The following CABYR variants were observed in gnomAD, a reference collection of about 807,000 sequenced individuals.
CABYR encodes calcium binding tyrosine phosphorylation regulated.
In CABYR, 31 loss-of-function variants were observed where a neutral mutation model predicts 36.1. That is an observed-to-expected ratio of 0.86 (90% CI 0.64 to 1.16). The LOEUF is 1.16. Ranked by LOEUF, CABYR falls within the 50% of genes most tolerant of loss-of-function variation. The pLI is 0.00. For synonymous variants in CABYR, 146 were observed against 160.7 expected, an observed-to-expected ratio of 0.91 and a Z score of 0.69; for missense variants, 429 against 455.8, an observed-to-expected ratio of 0.94 and a Z score of 0.53.
At chr18:24,149,170 A>C (rs569803474) in intron 3 of CABYR, among the ~76,000 whole-genome samples, 1 of 152,098 alleles carries the variant, frequency 6.6e-6, no homozygotes, top group African/African-American at 2.4e-5. Flanking sequence ...CAGAGTGTCG[A>C]TTGGTGCATT....
At chr18:24,156,200 G>C (rs763425079) in intron 4 of CABYR, 158 bp downstream of exon 4, 18 of 1,614,158 alleles carry the variant, frequency 1.1e-5, no homozygotes, top group Non-Finnish European at 1.5e-5. Context: ...TGCTAGAAGT[G>C]CAGGTTGTGA....
intron 5 of CABYR, among the ~76,000 whole-genome samples, 192 bp from the exon 6 acceptor site, chr18:24,161,324 G>A (rs1567907159): frequency 2.0e-5 from 3 of 152,150 alleles, no homozygotes; most frequent in Admixed American, 2.0e-4. Context: ...TGGACTTCTG[G>A]TGGAATTGCC....
intron 3 of CABYR, among the ~76,000 whole-genome samples, chr18:24,146,044 AG>A (rs2085450993): frequency 6.6e-6 from 1 of 152,238 alleles, no homozygotes; most frequent in Admixed American, 6.5e-5. Context: ...TCCAGCATAC[AG>A]TTAAAAACTA....
In CABYR at chr18:24,155,816, A is replaced by G. The variant is rs1180706752; in HGVS notation, c.315A>G (p.Thr105=). ...VPTQMEKSTD[T]DEDNVTRTEY... ...CCCAGATGGAAAAATCTACAGACAC[A>G]GACGAGGACAATGTAACCAGAACAG... Residue 105 remains threonine (T), a synonymous_variant, in exon 4 of 6, where the codon ACA becomes ACG. Coordinates refer to ENST00000399496, the MANE Select transcript of CABYR (RefSeq NM_153769.3). 2 of 1,614,214 alleles carry G rather than the reference A, an allele frequency of 1.2e-6. No individual in the cohort carries two copies. Among genetic ancestry groups the G allele is most frequent in the Non-Finnish European group, 1.7e-6 (2 of 1,180,016 alleles).
intron 3 of CABYR, among the ~76,000 whole-genome samples, chr18:24,146,728 G>A (rs2085467934): frequency 6.6e-6 from 1 of 152,130 alleles, no homozygotes; most frequent in South Asian, 2.1e-4. Context: ...CTAAACTGCT[G>A]AAAAAGACAA....
intron 4 of CABYR, among the ~76,000 whole-genome samples, chr18:24,158,515 T>A (rs1392345297): frequency 6.6e-6 from 1 of 151,980 alleles, no homozygotes; most frequent in East Asian, 1.9e-4. Context: ...ATGGAGTTTC[T>A]CCATGTTGGT....
chr18:24,161,166 A>T (rs924841104), intron 5 of CABYR, among the ~76,000 whole-genome samples: 5 of 152,114 alleles, frequency 3.3e-5, no homozygotes, highest in African/African-American at 1.2e-4. Context: ...GTTACTTAAA[A>T]TAATTAGTGG....
At position 24,155,710 on chromosome 18, in the gene CABYR, G is replaced by A; in HGVS notation, c.209G>A (p.Trp70Ter). ...KQFHQIKVEK[W>*]SEGTTPQKKL... ...GGTTGTTGTTTTTCAGTAGAGAAAT[G>A]GTCAGAAGGAACGACACCACAGAAG... Residue 70 changes from tryptophan to a stop codon, truncating the protein, a stop_gained, in exon 4 of 6, where the codon TGG (tryptophan) becomes TAG (stop). Transcript: ENST00000399496. LOFTEE classifies it high-confidence loss of function. 1 of 1,591,524 alleles carries A rather than the reference G, an allele frequency of 6.3e-7. No homozygotes were observed. Among genetic ancestry groups the A allele is most frequent in the Non-Finnish European group, 8.5e-7 (1 of 1,170,816 alleles).
intron 5 of CABYR, chr18:24,160,896 CG>C (rs2085954128): frequency 6.6e-6 from 1 of 152,248 alleles, no homozygotes; most frequent in African/African-American, 2.4e-5. Flanking sequence ...GAAAAGAACA[CG>C]GGGGTTCCAG....
intron 4 of CABYR, among the ~76,000 whole-genome samples, chr18:24,158,745 G>A (rs113853181): frequency 1.2e-4 from 18 of 152,260 alleles, no homozygotes; most frequent in African/African-American, 4.1e-4. Context: ...TTTTGTCCGA[G>A]GGCCCATCTT....
At chr18:24,160,194 T>G in intron 5 of CABYR, 125 bp downstream of exon 5, 4 of 712,422 alleles carry the variant, frequency 5.6e-6, no homozygotes, top group Non-Finnish European at 9.4e-6. Context: ...GGGTATACTC[T>G]AACTTCCTGG....
chr18:24,149,579 T>G (rs1458968867), intron 3 of CABYR, among the ~76,000 whole-genome samples: 2 of 152,194 alleles, frequency 1.3e-5, no homozygotes, highest in African/African-American at 2.4e-5. Context: ...GGGTGGTCGA[T>G]GGGACTGGGT....
Position 24,161,597 on chromosome 18 carries a change from C to T in CABYR, c.*81C>T, listed in dbSNP as rs573363787. ...AATGTATCAATAAACTTCATGCAAG[C>T]ATACAATTTTGTATTGCTTTTTTTT... On this transcript the variant is annotated 3_prime_UTR_variant, in exon 6 of 6. Coordinates refer to ENST00000399496, the MANE Select transcript of CABYR (RefSeq NM_153769.3). 1 of 766,982 alleles carries T rather than the reference C, an allele frequency of 1.3e-6. No homozygotes were observed. Among genetic ancestry groups the T allele is most frequent in the African/African-American group, 1.7e-5 (1 of 58,948 alleles). 47.5% of individuals were successfully genotyped at this position (766,982 alleles called of 1,614,324 possible).
At chr18:24,142,460 T>C (rs1480241505) in intron 1 of CABYR, among the ~76,000 whole-genome samples, 1 of 152,202 alleles carries the variant, frequency 6.6e-6, no homozygotes, top group East Asian at 1.9e-4. Flanking sequence ...AGGACTTGTT[T>C]AGAAACAGAT....
intron 1 of CABYR, among the ~76,000 whole-genome samples, chr18:24,141,084 G>A (rs1211050873): frequency 6.6e-6 from 1 of 152,050 alleles, no homozygotes. Flanking sequence ...GATCACTTCT[G>A]GTTTTTTAAA....
intron 4 of CABYR, among the ~76,000 whole-genome samples, chr18:24,159,231 C>T (rs1199076988): frequency 6.6e-6 from 1 of 152,190 alleles, no homozygotes; most frequent in Admixed American, 6.5e-5. Context: ...AATAAGATTG[C>T]TTCTTCAGCC....
chr18:24,150,400 T>C (rs1172591412), intron 3 of CABYR: 2 of 165,986 alleles, frequency 1.2e-5, no homozygotes, highest in Non-Finnish European at 2.5e-5. Context: ...TTCTAAAGCT[T>C]AACCAAAATT....
In CABYR at chr18:24,143,386, C is replaced by G; in HGVS notation, c.172C>G (p.Leu58Val). Residue 58 changes from leucine to valine, a missense_variant, in exon 3 of 6, where the codon CTG becomes GTG. Leu to Val is a conservative substitution (Grantham distance 32, BLOSUM62 1). Transcript: ENST00000399496. The stretch of plus-strand genomic sequence containing the variant: ...GAATACTACTATGGATATAAAAGAT[C>G]TGGTTAAACAATTTCATCAGATTAA... ...RGNTTMDIKD[L>V]VKQFHQIKVE... 1 of 1,573,646 alleles carries G rather than the reference C, an allele frequency of 6.4e-7. No individual in the cohort carries two copies. Among genetic ancestry groups the G allele is most frequent in the South Asian group, 1.1e-5 (1 of 87,288 alleles).
At chr18:24,147,587 G>A (rs750573148) in intron 3 of CABYR, among the ~76,000 whole-genome samples, 1 of 152,018 alleles carries the variant, frequency 6.6e-6, no homozygotes, top group African/African-American at 2.4e-5. Flanking sequence ...TTTTTAATCA[G>A]CTTTATTCTA....
Sources: allele counts gnomAD v4.1 joint callset (sites outside exome capture counted in the v4.1 genomes callset), GRCh38; gene constraint gnomAD v4.1.1; transcripts MANE v1.5; gene names NCBI Gene and HGNC (gene_info 2026-07-23, HGNC 2026-07-21).